Variants in TCF12 observed in about 807,000 individuals in gnomAD.
TCF12 encodes transcription factor 12, also known as DNA-binding protein HTF4.
TCF12 carries 45 observed loss-of-function variants against 86.0 expected under a neutral mutation model. The observed-to-expected ratio is 0.52, with a 90% CI of 0.41 to 0.67. The LOEUF (loss-of-function observed/expected upper bound fraction) is 0.67. Among genes scored for constraint, TCF12 ranks in the 30% least tolerant of loss-of-function variants. TCF12 has a pLI of 0.00. For missense variants in TCF12, 881 were observed against 859.9 expected (o/e 1.02, Z -0.31); for synonymous variants, 330 against 299.6 (o/e 1.10, Z -1.05).
intron 5 of TCF12, among the ~76,000 whole-genome samples, chr15:57,105,172 C>T (rs1355030723): frequency 2.0e-5 from 3 of 151,868 alleles, no homozygotes; most frequent in Admixed American, 6.6e-5. Context: ...CTGTGCCCGA[C>T]CAATCTTGCT....
intron 14 of TCF12, among the ~76,000 whole-genome samples, chr15:57,251,932 T>C (rs7164557): frequency 0.05 from 7,661 of 152,268 alleles, 356 homozygotes; most frequent in African/African-American, 0.13. Context: ...GTGCAAATTA[T>C]ACAAGCAAAA....
At chr15:57,225,980 T>G (rs2058853766) in intron 8 of TCF12, among the ~76,000 whole-genome samples, 1 of 151,804 alleles carries the variant, frequency 6.6e-6, no homozygotes, top group Non-Finnish European at 1.5e-5. Flanking sequence ...CATTTAACAT[T>G]AGGTATATCT....
chr15:57,144,573 A>G (rs114378164), intron 5 of TCF12, among the ~76,000 whole-genome samples: 2,005 of 152,244 alleles, frequency 0.013, 45 homozygotes, highest in African/African-American at 0.045. Context: ...GGGTAAGTCA[A>G]ATCATCAAAT....
chr15:57,044,976 T>C (rs1020792374), intron 3 of TCF12, among the ~76,000 whole-genome samples: 1 of 152,160 alleles, frequency 6.6e-6, no homozygotes, highest in African/African-American at 2.4e-5. Context: ...TCCAGAATCA[T>C]AGTAGATTTT....
chr15:56,984,992 C>T lies in TCF12; in HGVS notation c.148+63894C>T, dbSNP rs182398447. 1.8e-4 allele frequency among the ~76,000 whole-genome samples: 28 copies of T among 152,144 alleles called. No individual in the cohort carries two copies. In the East Asian group the frequency reaches 4.6e-3, roughly 25 times the overall value. On this transcript the variant is annotated intron_variant, in intron 3 of 20. Coordinates refer to ENST00000333725, the MANE Select transcript of TCF12 (RefSeq NM_207037.2). ...ATGTGGTAGAAATTATCTTTCTACT[C>T]AATTATAGCAACTAAAAGTCAGGCC... is the stretch of plus-strand genomic sequence containing the variant.
chr15:57,177,589 C>CCT (rs2151621799), intron 6 of TCF12, among the ~76,000 whole-genome samples: 1 of 71,604 alleles, frequency 1.4e-5, no homozygotes, highest in Admixed American at 1.6e-4. Context: ...CTTTTAATGT[C>CCT]CTATTTTTGT....
At chr15:57,063,966 A>G (rs2141727790) in intron 4 of TCF12, 143 bp downstream of exon 4, 2 of 655,902 alleles carry the variant, frequency 3.0e-6, no homozygotes, top group East Asian at 5.2e-5. Flanking sequence ...TTTTTGTTAC[A>G]TTTAGTTCTT....
intron 18 of TCF12, among the ~76,000 whole-genome samples, chr15:57,272,353 TC>T (rs1188104631): frequency 1.3e-5 from 2 of 152,208 alleles, no homozygotes; most frequent in African/African-American, 4.8e-5. Context: ...AATTTGCCCT[TC>T]AAAAAATTGT....
At chr15:56,947,696 C>G (rs566742997) in intron 3 of TCF12, among the ~76,000 whole-genome samples, 1 of 152,218 alleles carries the variant, frequency 6.6e-6, no homozygotes, top group African/African-American at 2.4e-5. Flanking sequence ...CATCATGGCT[C>G]AAATCAGAAA....
At chr15:57,249,024 G>C (rs1039962025) in intron 13 of TCF12, among the ~76,000 whole-genome samples, 1 of 152,018 alleles carries the variant, frequency 6.6e-6, no homozygotes, top group Non-Finnish European at 1.5e-5. Context: ...GCTTACAGAA[G>C]GAGTAGAAAA....
intron 6 of TCF12, among the ~76,000 whole-genome samples, chr15:57,188,835 C>G (rs1458772204): frequency 6.6e-6 from 1 of 152,204 alleles, no homozygotes; most frequent in African/African-American, 2.4e-5. Flanking sequence ...GTCACCTGGG[C>G]TGGAATGCAG....
intron 3 of TCF12, among the ~76,000 whole-genome samples, chr15:56,958,919 A>G (rs1412848981): frequency 6.6e-6 from 1 of 152,202 alleles, no homozygotes; most frequent in Non-Finnish European, 1.5e-5. Flanking sequence ...TGCCTGGTTT[A>G]TACTACTTAT....
chr15:57,111,463 A>G (rs1331579409), intron 5 of TCF12, among the ~76,000 whole-genome samples: 1 of 152,042 alleles, frequency 6.6e-6, no homozygotes, highest in African/African-American at 2.4e-5. Context: ...AGTAATCAGT[A>G]GGCCTTGCAA....
intron 3 of TCF12, among the ~76,000 whole-genome samples, chr15:56,951,063 C>A (rs1165787728): frequency 5.9e-5 from 9 of 151,978 alleles, no homozygotes; most frequent in African/African-American, 2.2e-4. Flanking sequence ...GCCATTATGA[C>A]CATTCTTAAT....
chr15:57,099,305 T>C (rs1313719215), intron 5 of TCF12, among the ~76,000 whole-genome samples: 1 of 152,154 alleles, frequency 6.6e-6, no homozygotes, highest in African/African-American at 2.4e-5. Context: ...ACTAACGCCT[T>C]AGTTTGAAAG....
At chr15:57,030,289 A>C (rs2066085707) in intron 3 of TCF12, among the ~76,000 whole-genome samples, 1 of 152,192 alleles carries the variant, frequency 6.6e-6, no homozygotes, top group African/African-American at 2.4e-5. Context: ...CTGAGGCAGG[A>C]GTGCAGTGGC....
intron 3 of TCF12, among the ~76,000 whole-genome samples, chr15:57,025,750 C>T (rs183969311): frequency 2.6e-5 from 4 of 152,182 alleles, no homozygotes; most frequent in Non-Finnish European, 4.4e-5. Flanking sequence ...AAAGTTCTTA[C>T]GTAAGAAATG....
chr15:57,061,792 A>G (rs1331601569), intron 3 of TCF12, among the ~76,000 whole-genome samples: 7 of 152,326 alleles, frequency 4.6e-5, no homozygotes, highest in African/African-American at 1.7e-4. Flanking sequence ...TCATAAAATT[A>G]TATGCAGTTC....
At chr15:57,172,121 T>A (rs1000884857) in intron 6 of TCF12, among the ~76,000 whole-genome samples, 4 of 152,188 alleles carry the variant, frequency 2.6e-5, no homozygotes, top group Non-Finnish European at 4.4e-5. Context: ...TTTTTCCTGT[T>A]ATACCCAATC....
Sources: gnomAD v4.1 joint callset for allele counts (sites outside exome capture counted in the v4.1 genomes callset) on GRCh38, gnomAD v4.1.1 for gene constraint, MANE v1.5 for transcripts, NCBI Gene and HGNC (gene_info 2026-07-23, HGNC 2026-07-21) for gene names.